Variants in ZPBP observed in about 807,000 individuals in gnomAD.
The protein encoded by ZPBP is zona pellucida-binding protein 1.
A neutral mutation model predicts 44.8 loss-of-function variants in ZPBP; 26 were observed. That is an observed-to-expected ratio of 0.58 (90% CI 0.43 to 0.81). ZPBP has a LOEUF of 0.81. Among genes scored for constraint, ZPBP ranks in the 30% least tolerant of loss-of-function variants. The pLI, the probability that ZPBP is intolerant of heterozygous loss-of-function variation, is 0.00. For missense variants in ZPBP, 409 were observed against 434.0 expected (o/e 0.94, Z 0.51); for synonymous variants, 174 against 153.2 (o/e 1.14, Z -1.00).
chr7:49,989,268 T>G (rs2128786665), intron 6 of ZPBP, among the ~76,000 whole-genome samples: 1 of 152,238 alleles, frequency 6.6e-6, no homozygotes, highest in South Asian at 2.1e-4. Flanking sequence ...TGTACGGGGT[T>G]CCTAACCTGT....
intron 6 of ZPBP, among the ~76,000 whole-genome samples, chr7:49,996,104 C>A (rs1282114201): frequency 6.6e-6 from 1 of 152,168 alleles, no homozygotes; most frequent in African/African-American, 2.4e-5. Context: ...ATACATTTAA[C>A]AATATATTAC....
At chr7:49,980,044 A>ATATAATATAATTTTATATTATATATAAT (rs1796734788) in intron 7 of ZPBP, among the ~76,000 whole-genome samples, 3 of 6,680 alleles carry the variant, frequency 4.5e-4, no homozygotes, top group African/African-American at 6.8e-4. Context: ...ATTATAATAT[A>ATATAATATAATTTTATATTATATATAAT]TATAATATAA....
intron 4 of ZPBP, among the ~76,000 whole-genome samples, chr7:50,051,802 C>T (rs1163946145): frequency 1.3e-5 from 2 of 151,830 alleles, no homozygotes; most frequent in East Asian, 3.9e-4. Flanking sequence ...CACACTGGGG[C>T]CTGTCGGTGG....
In ZPBP at chr7:49,981,645, A is replaced by AAATT. The variant is rs1796965772; in HGVS notation, c.961+1696_961+1697insAATT. 8.8e-5 allele frequency among the ~76,000 whole-genome samples: 8 copies of AAATT among 90,778 alleles called. 3 individuals carry two copies. Among genetic ancestry groups the AAATT allele is most frequent in the African/African-American group, 3.7e-4 (8 of 21,772 alleles). The allele number at this position is 90,778 out of a possible 152,430, so 59.6% of individuals were successfully genotyped here. Reference sequence around the variant, plus strand: ...TATTATATTATATTATATATTATATAATATCTTGATATAAAATATATATTA... The same window carrying AAATT: ...TATTATATTATATTATATATTATATAAATTATATCTTGATATAAAATATATATTA... On this transcript the variant is annotated intron_variant, in intron 7 of 7. Transcript: ENST00000046087.
chr7:49,923,634 T>A (rs1794118364), intron 1 of ZPBP, among the ~76,000 whole-genome samples: 1 of 152,216 alleles, frequency 6.6e-6, no homozygotes, highest in Non-Finnish European at 1.5e-5. Flanking sequence ...CTTCTAATAG[T>A]CATTATTCAT....
intron 6 of ZPBP, among the ~76,000 whole-genome samples, chr7:50,007,015 T>C (rs898071097): frequency 6.6e-6 from 1 of 151,796 alleles, no homozygotes; most frequent in Non-Finnish European, 1.5e-5. Flanking sequence ...AGGATCCTCA[T>C]GAATGGGATT....
At chr7:49,916,297 C>T (rs1793720253) in intron 1 of ZPBP, 1 of 152,184 alleles carries the variant, frequency 6.6e-6, no homozygotes, top group Non-Finnish European at 1.5e-5. Flanking sequence ...ACCCAGGCCC[C>T]TGTGGCTGGT....
chr7:49,851,243 G>A (rs1790168349), intron 2 of ZPBP, among the ~76,000 whole-genome samples: 1 of 152,146 alleles, frequency 6.6e-6, no homozygotes, highest in Admixed American at 6.5e-5. Flanking sequence ...CTTGTCATTG[G>A]ATTTAGGGCC....
chr7:50,048,235 T>C (rs531677110), intron 4 of ZPBP, among the ~76,000 whole-genome samples: 31 of 152,168 alleles, frequency 2.0e-4, no homozygotes, highest in African/African-American at 7.0e-4. Flanking sequence ...ATTATAAACA[T>C]ACAGATATTA....
At chr7:49,937,644 A>G (rs1364087346) in intron 7 of ZPBP, 22 bp from the exon 8 acceptor site, 3 of 1,572,764 alleles carry the variant, frequency 1.9e-6, no homozygotes, top group Non-Finnish European at 2.6e-6. Context: ...GAGTAAGTTA[A>G]TAAGTAGTAT....
chr7:49,938,497 AT>A (rs1794709926), intron 7 of ZPBP, among the ~76,000 whole-genome samples: 2 of 152,192 alleles, frequency 1.3e-5, no homozygotes, highest in East Asian at 3.8e-4. Context: ...CACTATCCTT[AT>A]TTTGTAAAAC....
At chr7:49,895,096 C>T (rs563926692) in intron 2 of ZPBP, among the ~76,000 whole-genome samples, 7 of 152,338 alleles carry the variant, frequency 4.6e-5, no homozygotes, top group African/African-American at 1.7e-4. Flanking sequence ...TATTTTCTCA[C>T]AGTTCTAGTG....
intron 1 of ZPBP, chr7:49,920,222 A>T (rs183528350): frequency 2.6e-5 from 4 of 152,300 alleles, no homozygotes; most frequent in African/African-American, 9.6e-5. Context: ...TGACTAAAAA[A>T]CTCAAACATT....
At chr7:49,906,296 A>G (rs796649099) in intron 1 of ZPBP, among the ~76,000 whole-genome samples, 7 of 152,298 alleles carry the variant, frequency 4.6e-5, no homozygotes, top group African/African-American at 1.7e-4. Flanking sequence ...TCAAAAAAGA[A>G]CAAAGAGCTA....
chr7:49,978,542 A>G (rs991046127), intron 7 of ZPBP, among the ~76,000 whole-genome samples: 1 of 152,098 alleles, frequency 6.6e-6, no homozygotes, highest in African/African-American at 2.4e-5. Context: ...GAGAAAGTAA[A>G]CAAACTTCCC....
intron 7 of ZPBP, among the ~76,000 whole-genome samples, chr7:49,979,498 A>G (rs1796679039): frequency 6.6e-6 from 1 of 151,954 alleles, no homozygotes; most frequent in East Asian, 1.9e-4. Flanking sequence ...TGTAGTACAT[A>G]ATAAGTTGAG....
rs529181187 is a variant in ZPBP at position 49,894,833 on chromosome 7, C to T, written n.509+6285G>A. On this transcript the variant is annotated intron_variant and non_coding_transcript_variant, in intron 2 of 2. Transcript: ENST00000465922. The stretch of plus-strand genomic sequence containing the variant: ...AGCTACAGCCTTATCATCTGTTCAG[C>T]GCTAAGTGCAAGCACCTATCCTGGG... Among the ~76,000 whole-genome samples, 117 of 152,304 alleles carry T rather than the reference C, an allele frequency of 7.7e-4. 1 individual carries two copies. Among genetic ancestry groups the T allele is most frequent in the Non-Finnish European group, 1.3e-3 (87 of 68,022 alleles).
chr7:50,043,609 T>G (rs1056008170), intron 4 of ZPBP, among the ~76,000 whole-genome samples: 1 of 152,146 alleles, frequency 6.6e-6, no homozygotes, highest in Admixed American at 6.6e-5. Flanking sequence ...AGGGGATCAA[T>G]GCAACAAGAA....
chr7:50,069,341 G>A (rs962904870), intron 3 of ZPBP, among the ~76,000 whole-genome samples: 5 of 152,062 alleles, frequency 3.3e-5, no homozygotes, highest in Admixed American at 6.6e-5. Flanking sequence ...TTGGCTTGGC[G>A]GTGCTACAAG....
Sources: gnomAD v4.1 joint callset for allele counts (sites outside exome capture counted in the v4.1 genomes callset) on GRCh38, gnomAD v4.1.1 for gene constraint, MANE v1.5 for transcripts, NCBI Gene and HGNC (gene_info 2026-07-23, HGNC 2026-07-21) for gene names.